PAG1: variants seen among roughly 807,000 people sequenced by gnomAD.
The protein encoded by PAG1 is phosphoprotein membrane anchor with glycosphingolipid microdomains 1, also known as phosphoprotein associated with glycosphingolipid-enriched microdomains 1.
PAG1 carries 23 observed loss-of-function variants against 31.7 expected under a neutral mutation model. The observed-to-expected ratio is 0.73, with a 90% CI of 0.52 to 1.03. The LOEUF is 1.03. PAG1 is among the 50% of genes least tolerant of loss of function. The pLI, the probability that PAG1 is intolerant of heterozygous loss-of-function variation, is 0.00. For missense variants in PAG1, 473 were observed against 540.7 expected (o/e 0.87, Z 1.24); for synonymous variants, 214 against 210.3 (o/e 1.02, Z -0.15).
At chr8:81,111,450 C>G (rs1809771908) in intron 1 of PAG1, 141 bp downstream of exon 1, 1 of 152,580 alleles carries the variant, frequency 6.6e-6, no homozygotes, top group South Asian at 2.1e-4. Flanking sequence ...CTGCCTTGTC[C>G]CCTTCTTGGC....
intron 2 of PAG1, among the ~76,000 whole-genome samples, chr8:81,051,838 T>G (rs1808733369): frequency 6.6e-6 from 1 of 152,196 alleles, no homozygotes; most frequent in Non-Finnish European, 1.5e-5. Context: ...TTTTAAAGAC[T>G]ATAAACTATT....
At chr8:80,980,652 T>C (rs1485330600) in intron 7 of PAG1, among the ~76,000 whole-genome samples, 158 bp from the exon 8 acceptor site, 3 of 152,236 alleles carry the variant, frequency 2.0e-5, no homozygotes. Context: ...TGCAATCTAT[T>C]ACCACATGTA....
intron 2 of PAG1, among the ~76,000 whole-genome samples, chr8:81,066,127 G>T (rs543874577): frequency 2.0e-4 from 30 of 152,306 alleles, no homozygotes; most frequent in African/African-American, 7.2e-4. Context: ...GCTGACATTT[G>T]GTGTCAACAA....
At chr8:81,064,368 C>T (rs1202315437) in intron 2 of PAG1, among the ~76,000 whole-genome samples, 1 of 152,198 alleles carries the variant, frequency 6.6e-6, no homozygotes, top group African/African-American at 2.4e-5. Flanking sequence ...TCACCTCCTG[C>T]TGTGTGGCCT....
intron 1 of PAG1, among the ~76,000 whole-genome samples, chr8:81,082,340 A>G (rs1411622872): frequency 1.3e-5 from 2 of 152,136 alleles, no homozygotes; most frequent in Non-Finnish European, 2.9e-5. Flanking sequence ...TAAAAAATAA[A>G]AAGAAAAAAG....
At chr8:81,097,848 T>C (rs772867554) in intron 1 of PAG1, among the ~76,000 whole-genome samples, 9 of 152,174 alleles carry the variant, frequency 5.9e-5, no homozygotes, top group Non-Finnish European at 1.3e-4. Context: ...TTTGAAAACT[T>C]AGTACTGCCT....
chr8:81,083,460 C>T (rs772909360), intron 1 of PAG1, among the ~76,000 whole-genome samples: 4 of 151,970 alleles, frequency 2.6e-5, no homozygotes, highest in South Asian at 2.1e-4. Context: ...TACCCAGTGG[C>T]GAGGGCTGGG....
rs147902681 is a variant in PAG1, at chr8:81,014,647, G to A, written c.-81+15349C>T. 5.3e-5 allele frequency among the ~76,000 whole-genome samples: 8 copies of A among 152,306 alleles called. No individual in the cohort carries two copies. In the East Asian group the frequency reaches 5.8e-4, roughly 11 times the overall value. ...ACTCTAAATGTGATGGAATGGCCAC[G>A]TAAACATGTCTTTGTACGACCATTA... On this transcript the variant is annotated intron_variant, in intron 3 of 8. Transcript: ENST00000220597.
rs1807166103 is a variant in PAG1 at position 80,975,812 on chromosome 8, C to T, written c.*732G>A. 6.6e-6 allele frequency: 1 copy of T among 152,156 alleles called. No homozygotes were observed. The highest frequency in any genetic ancestry group is 2.4e-5 in the African/African-American group (1 of 41,436). The allele number at this position is 152,156 out of a possible 1,614,324, so 9.4% of individuals were successfully genotyped here. A position where few individuals can be genotyped will look rare whatever the true frequency, so the allele number is the denominator to read the frequency against. On this transcript the variant is annotated 3_prime_UTR_variant, in exon 9 of 9. Transcript: ENST00000220597. ...TTTTGACTAGAAAAATAAAATAAAG[C>T]ATCTAAAACTGACTTCAAGTACTTT...
chr8:81,026,097 A>T (rs1173414038), intron 3 of PAG1, among the ~76,000 whole-genome samples: 3 of 152,104 alleles, frequency 2.0e-5, no homozygotes, highest in Non-Finnish European at 2.9e-5. Flanking sequence ...GTAAAACAGG[A>T]ATGTTAATAA....
At chr8:81,004,314 GTGAT>G in intron 3 of PAG1, among the ~76,000 whole-genome samples, 1 of 152,190 alleles carries the variant, frequency 6.6e-6, no homozygotes, top group Non-Finnish European at 1.5e-5. Context: ...GGTTCCATAT[GTGAT>G]AAGAGATTCT....
chr8:81,016,032 G>GCTATATATT (rs1808066559), intron 3 of PAG1, among the ~76,000 whole-genome samples: 2 of 152,298 alleles, frequency 1.3e-5, no homozygotes, highest in South Asian at 4.1e-4. Flanking sequence ...ATGATGAGAA[G>GCTATATATT]GTGGTCATCC....
intron 2 of PAG1, among the ~76,000 whole-genome samples, chr8:81,058,342 G>A (rs1401890292): frequency 6.6e-6 from 1 of 152,130 alleles, no homozygotes; most frequent in Non-Finnish European, 1.5e-5. Context: ...GAATACTTGG[G>A]AAAAACAAAT....
intron 1 of PAG1, among the ~76,000 whole-genome samples, chr8:81,087,820 C>CCTG (rs1217073192): frequency 6.6e-6 from 1 of 152,150 alleles, no homozygotes; most frequent in African/African-American, 2.4e-5. Context: ...GGTCAGGCAC[C>CCTG]CTGCGCTGGG....
At chr8:81,059,195 G>A (rs537646180) in intron 2 of PAG1, among the ~76,000 whole-genome samples, 1 of 152,014 alleles carries the variant, frequency 6.6e-6, no homozygotes, top group East Asian at 1.9e-4. Context: ...TAAATGCTAT[G>A]TAAGTAGTTG....
intron 3 of PAG1, among the ~76,000 whole-genome samples, chr8:81,012,496 C>T (rs1257677409): frequency 6.6e-6 from 1 of 152,216 alleles, no homozygotes; most frequent in Non-Finnish European, 1.5e-5. Flanking sequence ...AGTGCCCTTG[C>T]CCAGAGTAGG....
At chr8:80,999,177 C>A (rs1362052437) in intron 3 of PAG1, among the ~76,000 whole-genome samples, 2 of 152,200 alleles carry the variant, frequency 1.3e-5, no homozygotes, top group African/African-American at 4.8e-5. Context: ...GACTGTGCTA[C>A]AGAAAAGCCT....
At chr8:81,004,073 T>A (rs1807833157) in intron 3 of PAG1, among the ~76,000 whole-genome samples, 1 of 152,222 alleles carries the variant, frequency 6.6e-6, no homozygotes, top group African/African-American at 2.4e-5. Flanking sequence ...GTACTTGGCA[T>A]ATTTACATAT....
intron 2 of PAG1, among the ~76,000 whole-genome samples, chr8:81,058,136 T>C (rs1014301555): frequency 3.9e-5 from 6 of 152,208 alleles, no homozygotes; most frequent in Non-Finnish European, 8.8e-5. Context: ...GAGATTTCTT[T>C]GTTCATTTTT....
Sources: allele counts gnomAD v4.1 joint callset (sites outside exome capture counted in the v4.1 genomes callset), GRCh38; gene constraint gnomAD v4.1.1; transcripts MANE v1.5; gene names NCBI Gene and HGNC (gene_info 2026-07-23, HGNC 2026-07-21).